EBF2: variants seen among roughly 807,000 people sequenced by gnomAD.
EBF2 encodes the protein transcription factor COE2.
A neutral mutation model predicts 72.8 loss-of-function variants in EBF2; 21 were observed. The observed-to-expected ratio is 0.29, with a 90% confidence interval of 0.20 to 0.42. The LOEUF (loss-of-function observed/expected upper bound fraction) is 0.42. Ranked by LOEUF, EBF2 falls within the 10% of genes least tolerant of loss-of-function variation. EBF2 has a pLI of 1.00. For synonymous variants in EBF2, 299 were observed against 274.2 expected, an observed-to-expected ratio of 1.09 and a Z score of -0.89; for missense variants, 637 against 731.2, an observed-to-expected ratio of 0.87 and a Z score of 1.49.
intron 7 of EBF2, among the ~76,000 whole-genome samples, chr8:25,898,125 C>T (rs535009047): frequency 2.6e-5 from 4 of 152,228 alleles, no homozygotes; most frequent in South Asian, 2.1e-4. Flanking sequence ...TATTATTGCA[C>T]GGTAATCTGT....
At position 25,865,361 on chromosome 8, in the gene EBF2, C is replaced by A. The variant is rs936614889; in HGVS notation, c.1010-2564G>T. On this transcript the variant is annotated intron_variant, in intron 10 of 15. Transcript: ENST00000520164. Reference sequence around the variant, plus strand: ...ATGGCTATTCATTAATCATATTGTCCAAGAGTTTTATTAGAGTCTAGAAAC... The same window carrying A: ...ATGGCTATTCATTAATCATATTGTCAAAGAGTTTTATTAGAGTCTAGAAAC... Among the ~76,000 whole-genome samples the A allele has an allele frequency of 3.0e-4, 45 of 151,768 alleles. 1 individual carries two copies. Among genetic ancestry groups the A allele is most frequent in the Non-Finnish European group, 3.4e-4 (23 of 67,956 alleles).
intron 10 of EBF2, among the ~76,000 whole-genome samples, chr8:25,881,760 C>A (rs572703363): frequency 6.6e-6 from 1 of 152,304 alleles, no homozygotes; most frequent in East Asian, 1.9e-4. Context: ...TATAAAAACC[C>A]CGAGACCCTG....
intron 6 of EBF2, among the ~76,000 whole-genome samples, chr8:25,949,475 A>G (rs1803823041): frequency 6.6e-6 from 1 of 152,216 alleles, no homozygotes; most frequent in Non-Finnish European, 1.5e-5. Context: ...CTAGATAAAA[A>G]GTTTACAAGA....
At chr8:25,866,442 TAA>T (rs911018140) in intron 10 of EBF2, among the ~76,000 whole-genome samples, 2 of 117,038 alleles carry the variant, frequency 1.7e-5, no homozygotes, top group African/African-American at 3.7e-5. Flanking sequence ...TTTATATATA[TAA>T]TATATATATA....
intron 6 of EBF2, among the ~76,000 whole-genome samples, chr8:25,910,423 T>TC (rs1803107939): frequency 6.6e-6 from 1 of 152,168 alleles, no homozygotes; most frequent in Non-Finnish European, 1.5e-5. Flanking sequence ...GAGGGCTTTT[T>TC]CTCATTTAGT....
chr8:25,890,247 G>A (rs1284448021), intron 7 of EBF2, among the ~76,000 whole-genome samples: 1 of 152,202 alleles, frequency 6.6e-6, no homozygotes, highest in Admixed American at 6.5e-5. Context: ...TACGCCAGCT[G>A]GAAAGTCACT....
At chr8:25,849,403 C>CT (rs2117245680) in intron 15 of EBF2, among the ~76,000 whole-genome samples, 1 of 152,302 alleles carries the variant, frequency 6.6e-6, no homozygotes, top group African/African-American at 2.4e-5. Flanking sequence ...AACCCACACT[C>CT]TATCATCAAA....
Position 25,852,248 on chromosome 8 carries a change from G to A in EBF2, c.1529-1487C>T, listed in dbSNP as rs1801996058. On this transcript the variant is annotated intron_variant, in intron 14 of 15. Transcript: ENST00000520164. Reference sequence around the variant, plus strand: ...ACACAGGGTTAAGCATGAGGAGTGGGTCTTATTCATGGTTCTGAGCAAAAT... The same window carrying A: ...ACACAGGGTTAAGCATGAGGAGTGGATCTTATTCATGGTTCTGAGCAAAAT... 2.0e-5 allele frequency among the ~76,000 whole-genome samples: 3 copies of A among 152,166 alleles called. No homozygotes were observed. The South Asian group carries it at 6.2e-4, about 32-fold the overall frequency.
intron 10 of EBF2, among the ~76,000 whole-genome samples, chr8:25,868,948 A>C (rs946423075): frequency 1.3e-5 from 2 of 152,118 alleles, no homozygotes; most frequent in Non-Finnish European, 2.9e-5. Flanking sequence ...TTATCATTTC[A>C]AGCTGATTTA....
intron 5 of EBF2, among the ~76,000 whole-genome samples, chr8:26,039,118 G>A (rs1342438884): frequency 6.6e-6 from 1 of 152,076 alleles, no homozygotes; most frequent in Non-Finnish European, 1.5e-5. Context: ...ATCCTTTCTT[G>A]TCTGCGGTGG....
intron 7 of EBF2, among the ~76,000 whole-genome samples, chr8:25,903,053 T>A (rs1802980397): frequency 6.6e-6 from 1 of 152,098 alleles, no homozygotes; most frequent in Non-Finnish European, 1.5e-5. Context: ...TTTTAGTAGG[T>A]GTATGTATTT....
At chr8:25,940,640 A>T (rs75014890) in intron 6 of EBF2, among the ~76,000 whole-genome samples, 6,307 of 152,120 alleles carry the variant, frequency 0.041, 166 homozygotes, top group Middle Eastern at 0.068. Flanking sequence ...AAATAAAAAA[A>T]AAACCACAAA....
At chr8:25,900,308 T>C (rs1802930694) in intron 7 of EBF2, among the ~76,000 whole-genome samples, 1 of 152,028 alleles carries the variant, frequency 6.6e-6, no homozygotes, top group East Asian at 1.9e-4. Context: ...ACACAAAAAT[T>C]AGCTGGTTTT....
intron 10 of EBF2, among the ~76,000 whole-genome samples, chr8:25,866,277 G>A (rs1003391818): frequency 1.1e-4 from 16 of 151,124 alleles, no homozygotes; most frequent in Admixed American, 6.6e-5. Flanking sequence ...TCTCTGAATG[G>A]GAATGACATA....
chr8:26,009,136 A>G (rs201581261), intron 6 of EBF2, among the ~76,000 whole-genome samples: 2 of 2,516 alleles, frequency 7.9e-4, no homozygotes, highest in Non-Finnish European at 2.1e-3. Context: ...AAAAACCACC[A>G]TGGGAGTGGG....
chr8:25,960,130 C>A (rs1398788766), intron 6 of EBF2, among the ~76,000 whole-genome samples: 1 of 152,218 alleles, frequency 6.6e-6, no homozygotes, highest in East Asian at 1.9e-4. Flanking sequence ...TGAACACCCA[C>A]TCTTTGTTAC....
intron 2 of EBF2, 82 bp downstream of exon 2, chr8:26,042,013 G>A (rs562566258): frequency 1.3e-6 from 2 of 1,541,710 alleles, no homozygotes; most frequent in East Asian, 2.3e-5. Context: ...GAAAAGTGTC[G>A]CGAGAGTGAC....
intron 7 of EBF2, among the ~76,000 whole-genome samples, chr8:25,902,598 CA>C (rs1248941114): frequency 1.4e-4 from 22 of 152,128 alleles, no homozygotes; most frequent in African/African-American, 5.3e-4. Context: ...ATTGGCAATA[CA>C]TACAAAAATA....
intron 6 of EBF2, among the ~76,000 whole-genome samples, chr8:25,963,141 C>T (rs565063758): frequency 6.6e-6 from 1 of 152,160 alleles, no homozygotes; most frequent in Non-Finnish European, 1.5e-5. Flanking sequence ...AGTTTGGACT[C>T]TCAGATATGG....
Sources: gnomAD v4.1 joint callset for allele counts (sites outside exome capture counted in the v4.1 genomes callset) on GRCh38, gnomAD v4.1.1 for gene constraint, MANE v1.5 for transcripts, NCBI Gene and HGNC (gene_info 2026-07-23, HGNC 2026-07-21) for gene names.